The following NEDD4 variants were observed in gnomAD, a reference collection of about 807,000 sequenced individuals.
NEDD4 encodes the protein E3 ubiquitin-protein ligase NEDD4.
In NEDD4, 99 loss-of-function variants were observed where a neutral mutation model predicts 144.9. The observed-to-expected ratio is 0.68, with a 90% CI of 0.58 to 0.81. NEDD4 has a LOEUF of 0.81. Ranked by LOEUF, NEDD4 falls within the 30% of genes least tolerant of loss-of-function variation. NEDD4 has a pLI of 0.00. For synonymous variants in NEDD4, 318 were observed against 350.6 expected, an observed-to-expected ratio of 0.91 and a Z score of 1.04; for missense variants, 985 against 1,065.9, an observed-to-expected ratio of 0.92 and a Z score of 1.06.
intron 4 of NEDD4, among the ~76,000 whole-genome samples, chr15:55,947,392 T>C (rs1210754681): frequency 6.6e-6 from 1 of 152,134 alleles, no homozygotes; most frequent in African/African-American, 2.4e-5. Flanking sequence ...AACACCTCTA[T>C]GCAAATAAAC....
rs142573482 is a variant in NEDD4, at chr15:55,949,916, G to A, written c.237+1460C>T. Among the ~76,000 whole-genome samples the A allele has an allele frequency of 2.4e-4, 37 of 151,252 alleles. No homozygotes were observed. The East Asian group carries it at 5.3e-3, about 21-fold the overall frequency. On this transcript the variant is annotated intron_variant, in intron 4 of 28. Coordinates refer to ENST00000435532, the MANE Select transcript of NEDD4 (RefSeq NM_006154.4). ...GTATACATATGTAACAAACCTGCAC[G>A]TTGTGCACAGGTACCCTAGAACTTA... is the stretch of plus-strand genomic sequence containing the variant.
chr15:55,951,256 C>T, intron 4 of NEDD4, 120 bp downstream of exon 4: 3 of 504,696 alleles, frequency 5.9e-6, no homozygotes, highest in Non-Finnish European at 6.8e-6. Flanking sequence ...TTTGTATTTT[C>T]ACAACTTTAG....
intron 2 of NEDD4, among the ~76,000 whole-genome samples, chr15:55,957,624 A>G (rs985678924): frequency 6.6e-6 from 1 of 152,212 alleles, no homozygotes; most frequent in Non-Finnish European, 1.5e-5. Flanking sequence ...ATTACTGGGT[A>G]TATACCCAAA....
intron 5 of NEDD4, among the ~76,000 whole-genome samples, chr15:55,899,073 T>G (rs1269499075): frequency 6.6e-6 from 1 of 152,212 alleles, no homozygotes; most frequent in Non-Finnish European, 1.5e-5. Context: ...CTCAGTACAA[T>G]AAACACACTG....
rs1360547201 is a variant in NEDD4 at position 55,903,798 on chromosome 15, C to A, written c.291+20848G>T. ...CGAGATCGTGCCACTGCACTCCAGC[C>A]TGGGTGACAGAGTGAGACTCCATCT... On this transcript the variant is annotated intron_variant, in intron 5 of 28. Coordinates refer to ENST00000435532, the MANE Select transcript of NEDD4 (RefSeq NM_006154.4). 5.0e-5 allele frequency among the ~76,000 whole-genome samples: 7 copies of A among 138,740 alleles called. No individual in the cohort carries two copies. In the Admixed American group the frequency reaches 5.4e-4, roughly 11 times the overall value. The allele number at this position is 138,740 out of a possible 152,430, so 91.0% of individuals were successfully genotyped here. A position where few individuals can be genotyped will look rare whatever the true frequency, so the allele number is the denominator to read the frequency against.
chr15:55,916,208 A>T, intron 5 of NEDD4: 1 of 1,614,054 alleles, frequency 6.2e-7, no homozygotes, highest in Non-Finnish European at 8.5e-7. Flanking sequence ...AGGTGCTGTC[A>T]GAAGGTAAGT....
At chr15:55,942,526 C>T (rs1326876039) in intron 4 of NEDD4, among the ~76,000 whole-genome samples, 2 of 152,052 alleles carry the variant, frequency 1.3e-5, no homozygotes, top group Non-Finnish European at 2.9e-5. Context: ...CTTCATTCTC[C>T]TCCTCCTTCT....
chr15:55,958,272 C>A (rs1344882298), intron 2 of NEDD4, among the ~76,000 whole-genome samples: 1 of 152,130 alleles, frequency 6.6e-6, no homozygotes, highest in African/African-American at 2.4e-5. Flanking sequence ...CATTCCATGC[C>A]AAGTGAAATG....
At chr15:55,915,627 G>T in intron 5 of NEDD4, 1 of 1,613,574 alleles carries the variant, frequency 6.2e-7, no homozygotes, top group South Asian at 1.1e-5. Flanking sequence ...CTTAATTTCT[G>T]ACATTTCTGG....
chr15:55,895,200 C>T (rs539822812), intron 5 of NEDD4, among the ~76,000 whole-genome samples: 2 of 152,168 alleles, frequency 1.3e-5, no homozygotes, highest in African/African-American at 4.8e-5. Context: ...CACTTCTGAG[C>T]ACTAATTATG....
intron 5 of NEDD4, among the ~76,000 whole-genome samples, chr15:55,894,014 G>A (rs2035657416): frequency 6.6e-6 from 1 of 151,896 alleles, no homozygotes; most frequent in Non-Finnish European, 1.5e-5. Flanking sequence ...CTTTCTATAT[G>A]TCAATGAGGA....
chr15:55,917,738 T>G (rs1357671206), intron 5 of NEDD4, among the ~76,000 whole-genome samples: 1 of 152,078 alleles, frequency 6.6e-6, no homozygotes, highest in African/African-American at 2.4e-5. Flanking sequence ...TCCAGCCAAG[T>G]AGAACAGTCT....
intron 18 of NEDD4, among the ~76,000 whole-genome samples, chr15:55,844,349 G>A (rs2033649402): frequency 3.3e-5 from 5 of 151,986 alleles, no homozygotes; most frequent in Admixed American, 3.3e-4. Flanking sequence ...GGGACAGGGT[G>A]TAAAGGGTGG....
At chr15:55,886,004 G>A (rs1301151886) in intron 5 of NEDD4, among the ~76,000 whole-genome samples, 2 of 151,686 alleles carry the variant, frequency 1.3e-5, no homozygotes, top group African/African-American at 4.8e-5. Flanking sequence ...ACAAAGGGAT[G>A]GAAAAAGGTA....
chr15:55,924,098 A>C (rs528461853), intron 5 of NEDD4, among the ~76,000 whole-genome samples: 1 of 152,334 alleles, frequency 6.6e-6, no homozygotes, highest in South Asian at 2.1e-4. Flanking sequence ...TATAAAAAGA[A>C]CATCAGGTTT....
intron 5 of NEDD4, among the ~76,000 whole-genome samples, chr15:55,884,240 A>C (rs1364547215): frequency 6.6e-6 from 1 of 152,122 alleles, no homozygotes; most frequent in African/African-American, 2.4e-5. Flanking sequence ...AATGTCCCCT[A>C]ACACACATAT....
At chr15:55,970,034 C>A (rs1595882245) in intron 1 of NEDD4, among the ~76,000 whole-genome samples, 1 of 152,140 alleles carries the variant, frequency 6.6e-6, no homozygotes. Context: ...AAACCCACTG[C>A]CCTAAAGGGA....
At chr15:55,881,763 G>A (rs2035202133) in intron 5 of NEDD4, among the ~76,000 whole-genome samples, 1 of 152,102 alleles carries the variant, frequency 6.6e-6, no homozygotes, top group Non-Finnish European at 1.5e-5. Flanking sequence ...AAAAAACATA[G>A]CTGTGATCAA....
intron 27 of NEDD4, among the ~76,000 whole-genome samples, chr15:55,832,474 G>C (rs1471006562): frequency 2.6e-5 from 4 of 152,104 alleles, no homozygotes; most frequent in African/African-American, 9.7e-5. Context: ...AACTACAGTG[G>C]TGCGATCTTG....
Sources: gnomAD v4.1 joint callset for allele counts (sites outside exome capture counted in the v4.1 genomes callset) on GRCh38, gnomAD v4.1.1 for gene constraint, MANE v1.5 for transcripts, NCBI Gene and HGNC (gene_info 2026-07-23, HGNC 2026-07-21) for gene names.